Variants in NYNRIN observed in about 807,000 individuals in gnomAD.
NYNRIN encodes the protein NYN domain and retroviral integrase containing.
Under a neutral mutation model 146.6 loss-of-function variants are expected in NYNRIN, and 86 were observed. That is an observed-to-expected ratio of 0.59 (90% CI 0.49 to 0.70). The LOEUF is 0.70. Ranked by LOEUF, NYNRIN falls within the 30% of genes least tolerant of loss-of-function variation. The pLI is 0.00. For synonymous variants in NYNRIN, 1,027 were observed against 1,001.3 expected (o/e 1.03, Z -0.48); for missense variants, 2,191 against 2,377.7 (o/e 0.92, Z 1.63).
intron 2 of NYNRIN, 112 bp downstream of exon 2, chr14:24,399,556 A>G: frequency 1.0e-6 from 1 of 993,474 alleles, no homozygotes; most frequent in Non-Finnish European, 1.5e-6. Flanking sequence ...CCCCGCCTGG[A>G]TTTGGCAGTG....
At chr14:24,410,982 T>A in intron 4 of NYNRIN, 94 bp from the exon 5 acceptor site, 1 of 1,460,024 alleles carries the variant, frequency 6.8e-7, no homozygotes, top group Non-Finnish European at 9.4e-7. Context: ...ATCATTGGTG[T>A]CCTTGGTGCT....
Position 24,408,520 on chromosome 14 carries a change from C to G in NYNRIN, c.850C>G (p.Leu284Val), listed in dbSNP as rs773284886. 5.7e-6 allele frequency: 9 copies of G among 1,570,972 alleles called. No homozygotes were observed. The highest frequency in any genetic ancestry group is 2.4e-5 in the South Asian group (2 of 83,862). ...CACACCGCAGGAGGCAGCAAACCAG[C>G]TGGTACGGTAAGTTCTGGAGAATGA... ...QSTPQEAANQ[L>V]VRVGSNNQDG... The change falls in exon 3 of 9, where the codon CTG (leucine) becomes GTG (valine). Residue 284 changes from leucine to valine, a missense_variant. Leu to Val is a conservative substitution (Grantham distance 32). Coordinates refer to ENST00000382554, the MANE Select transcript of NYNRIN (RefSeq NM_025081.3).
rs770637725 is a variant in NYNRIN, at chr14:24,413,083, T to C, written c.2729T>C (p.Leu910Pro). 97 of 1,590,914 alleles carry C rather than the reference T, an allele frequency of 6.1e-5. No individual in the cohort carries two copies. Among genetic ancestry groups the C allele is most frequent in the Admixed American group, 2.6e-4 (15 of 56,616 alleles). The stretch of plus-strand genomic sequence containing the variant: ...ATCCTGATGAATAGTTCCAAGAAAC[T>C]GATGGTCAAAGATCGGTAAGATGGT... ...IHILMNSSKK[L>P]MVKDRLLPFT... is the part of the protein sequence containing the mutation. The change falls in exon 7 of 9, where the codon CTG becomes CCG. Residue 910 changes from leucine (L) to proline (P), a missense_variant. Physicochemically the swap from Leu to Pro is moderately conservative, Grantham distance 98. This residue lies in a region of NYNRIN where 1,291 missense variants were observed against 1,417.0 expected (regional missense o/e 0.91). Transcript: ENST00000382554.
Position 24,418,197 on chromosome 14 carries a change from C to T in NYNRIN, c.*751C>T, listed in dbSNP as rs191783227. ...CAATGGAGACAATTCCTGACCCCTG[C>T]TTTGATGGTGTTGACCCCACAGGAA... is the stretch of plus-strand genomic sequence containing the variant. On this transcript the variant is annotated 3_prime_UTR_variant, in exon 9 of 9. Coordinates refer to ENST00000382554, the MANE Select transcript of NYNRIN (RefSeq NM_025081.3). The T allele has an allele frequency of 4.6e-5, 21 of 452,188 alleles. No homozygotes were observed. Among genetic ancestry groups the T allele is most frequent in the Admixed American group, 4.6e-4 (19 of 41,712 alleles). The allele number at this position is 452,188 out of a possible 1,614,324, so 28.0% of individuals were successfully genotyped here. A position where few individuals can be genotyped will look rare whatever the true frequency, so the allele number is the denominator to read the frequency against.
Position 24,409,762 on chromosome 14 carries a change from A to G in NYNRIN, c.1968A>G (p.Ala656=), listed in dbSNP as rs1594740369. ...QAGPAATVSK[A]PAASKAPAAP... ...GGCCTGCAGCTACAGTTTCCAAAGCACCTGCAGCTTCCAAAGCACCTGCAG... is the reference window on the plus strand; with the variant it reads ...GGCCTGCAGCTACAGTTTCCAAAGCGCCTGCAGCTTCCAAAGCACCTGCAG... The change falls in exon 4 of 9, where the codon GCA becomes GCG. Residue 656 remains alanine (A), a synonymous_variant. Coordinates refer to ENST00000382554, the MANE Select transcript of NYNRIN (RefSeq NM_025081.3). 1.9e-6 allele frequency: 3 copies of G among 1,611,156 alleles called. No homozygotes were observed. The Admixed American group carries it at 5.0e-5, about 27-fold the overall frequency.
chr14:24,403,686 G>A (rs887497500), intron 2 of NYNRIN, among the ~76,000 whole-genome samples: 2 of 152,218 alleles, frequency 1.3e-5, no homozygotes, highest in African/African-American at 2.4e-5. Flanking sequence ...TCGAATGGAT[G>A]AATAAATTCT....
rs1594740511 is a variant in NYNRIN, at chr14:24,409,963, G to A, written c.2169G>A (p.Gln723=). Reference sequence around the variant, plus strand: ...AGGGCCAGGGGCAGGCTGGAAGGCAGGGTCCCCAGTCCAGTGGCACCTTGG... The same window carrying A: ...AGGGCCAGGGGCAGGCTGGAAGGCAAGGTCCCCAGTCCAGTGGCACCTTGG... ...LLKGQGQAGR[Q]GPQSSGTLAL... Residue 723 remains glutamine, a synonymous_variant, in exon 4 of 9, where the codon CAG becomes CAA. Coordinates refer to ENST00000382554, the MANE Select transcript of NYNRIN (RefSeq NM_025081.3). 1 of 1,613,758 alleles carries A rather than the reference G, an allele frequency of 6.2e-7. No homozygotes were observed. The highest frequency in any genetic ancestry group is 2.2e-5 in the East Asian group (1 of 44,878).
In NYNRIN at chr14:24,414,693, C is replaced by T. The variant is rs181160538; in HGVS notation, c.2944C>T (p.Pro982Ser). 1 of 1,613,542 alleles carries T rather than the reference C, an allele frequency of 6.2e-7. No individual in the cohort carries two copies. Among genetic ancestry groups the T allele is most frequent in the Non-Finnish European group, 8.5e-7 (1 of 1,179,696 alleles). ...TELSDDADSG[P>S]LESLPNMEEV... ...GCTGAGTGATGACGCTGACTCTGGG[C>T]CCCTGGAGAGTCTGCCGAATATGGA... Residue 982 changes from proline (P) to serine (S), a missense_variant, in exon 9 of 9, where the codon CCC becomes TCC. By Grantham distance (74) the Pro-to-Ser change is moderately conservative. Around this residue, in one of 3 missense-constraint regions of NYNRIN, gnomAD observed 1,291 missense variants for 1,417.0 expected, o/e 0.91. Coordinates refer to ENST00000382554, the MANE Select transcript of NYNRIN (RefSeq NM_025081.3).
chr14:24,415,631 C>T lies in NYNRIN; in HGVS notation c.3882C>T (p.Phe1294=). 6.2e-7 allele frequency: 1 copy of T among 1,614,030 alleles called. No individual in the cohort carries two copies. The change falls in exon 9 of 9, where the codon TTC becomes TTT. Residue 1294 remains phenylalanine, a synonymous_variant. Transcript: ENST00000382554. ...CCCCCGCGGCCTCCATGCCTCGCTT[C>T]TTCCAGGTTCTGCCGCCTTTCTCTG... ...LLTPAASMPR[F]FQVLPPFSDL...
Position 24,408,034 on chromosome 14 carries a change from G to A in NYNRIN, c.364G>A (p.Gly122Arg), listed in dbSNP as rs1594739179. Residue 122 changes from glycine to arginine, a missense_variant, in exon 3 of 9, where the codon GGG (glycine) becomes AGG (arginine). Physicochemically the swap from Gly to Arg is moderately radical, Grantham distance 125. Around this residue, in one of 3 missense-constraint regions of NYNRIN, gnomAD observed 895 missense variants for 941.2 expected, o/e 0.95. Coordinates refer to ENST00000382554, the MANE Select transcript of NYNRIN (RefSeq NM_025081.3). ...CCCCCCTGGCTCCCTGATGGTGGGC[G>A]GGCTGACTGAGTCTTTCATCATGAC... Reference protein sequence around the residue: ...PGPPGSLMVGGLTESFIMTQN... With the variant: ...PGPPGSLMVGRLTESFIMTQN... The A allele has an allele frequency of 1.9e-6, 3 of 1,613,968 alleles. No individual in the cohort carries two copies. Among genetic ancestry groups the A allele is most frequent in the Non-Finnish European group, 2.5e-6 (3 of 1,179,884 alleles).
At position 24,409,561 on chromosome 14, in the gene NYNRIN, T is replaced by C; in HGVS notation, c.1767T>C (p.Pro589=). The stretch of plus-strand genomic sequence containing the variant: ...CAGAGCCTGCAGCTCCCGAAGTGCC[T>C]TTGGCTCCAACAAAGCCAACAGCTC... ...VHTEPAAPEV[P]LAPTKPTAQL... The change falls in exon 4 of 9, where the codon CCT becomes CCC. Residue 589 remains proline (P), a synonymous_variant. Coordinates refer to ENST00000382554, the MANE Select transcript of NYNRIN (RefSeq NM_025081.3). 6.2e-7 allele frequency: 1 copy of C among 1,611,386 alleles called. No individual in the cohort carries two copies. The highest frequency in any genetic ancestry group is 1.3e-5 in the African/African-American group (1 of 74,996).
Position 24,414,891 on chromosome 14 carries a change from C to T in NYNRIN, c.3142C>T (p.Pro1048Ser), listed in dbSNP as rs752141342. ...GCGGTGCCTCAGCCTCCATGATCCC[C>T]CTGATGGGGCCCTGGACATCGACCT... ...ILRCLSLHDP[P>S]DGALDIDLLP... The change falls in exon 9 of 9, where the codon CCT (proline) becomes TCT (serine). Residue 1048 changes from proline (P) to serine (S), a missense_variant. Pro to Ser is a moderately conservative substitution (Grantham distance 74, BLOSUM62 -1). Transcript: ENST00000382554. 2 of 1,608,608 alleles carry T rather than the reference C, an allele frequency of 1.2e-6. No homozygotes were observed. The highest frequency in any genetic ancestry group is 1.7e-6 in the Non-Finnish European group (2 of 1,175,886).
At chr14:24,401,004 G>T (rs1317664906) in intron 2 of NYNRIN, among the ~76,000 whole-genome samples, 1 of 152,130 alleles carries the variant, frequency 6.6e-6, no homozygotes, top group Admixed American at 6.5e-5. Flanking sequence ...GGCCAGGTTG[G>T]TCTTGAACTC....
At chr14:24,405,719 A>G (rs1385338098) in intron 2 of NYNRIN, among the ~76,000 whole-genome samples, 1 of 152,210 alleles carries the variant, frequency 6.6e-6, no homozygotes, top group Non-Finnish European at 1.5e-5. Flanking sequence ...GCTCATCTAA[A>G]ATGGGGATAA....
Position 24,413,117 on chromosome 14 carries a change from G to C in NYNRIN, c.2744+19G>C. On this transcript the variant is annotated intron_variant, in intron 7 of 8. Coordinates refer to ENST00000382554, the MANE Select transcript of NYNRIN (RefSeq NM_025081.3). ...AAGATCGGTAAGATGGTCCCCAGAG[G>C]CTTGAGCCATTCCTTCCCCTTGGAT... 1 of 1,535,088 alleles carries C rather than the reference G, an allele frequency of 6.5e-7. No homozygotes were observed. Among genetic ancestry groups the C allele is most frequent in the Non-Finnish European group, 8.9e-7 (1 of 1,125,952 alleles).
At chr14:24,401,290 C>G (rs1405551069) in intron 2 of NYNRIN, among the ~76,000 whole-genome samples, 1 of 152,228 alleles carries the variant, frequency 6.6e-6, no homozygotes, top group Admixed American at 6.5e-5. Context: ...CTCCACTCCC[C>G]CTTTGTCTTC....
Position 24,413,383 on chromosome 14 carries a change from C to G in NYNRIN, c.2812C>G (p.Pro938Ala), listed in dbSNP as rs1164097330. The G allele has an allele frequency of 6.2e-7, 1 of 1,613,018 alleles. No individual in the cohort carries two copies. The highest frequency in any genetic ancestry group is 8.5e-7 in the Non-Finnish European group (1 of 1,179,558). ...VPDDPLGRDGPTLDEFLKKPN... is the reference protein window; with the variant it reads ...VPDDPLGRDGATLDEFLKKPN... The stretch of plus-strand genomic sequence containing the variant: ...TGATGACCCCCTGGGCCGTGATGGC[C>G]CCACCTTGGATGAGTTTCTGAAGAA... Residue 938 changes from proline to alanine, a missense_variant, in exon 8 of 9, where the codon CCC becomes GCC. Around this residue, in one of 3 missense-constraint regions of NYNRIN, gnomAD observed 1,291 missense variants for 1,417.0 expected, o/e 0.91. Transcript: ENST00000382554.
In NYNRIN at chr14:24,408,280, G is replaced by A. The variant is rs771495789; in HGVS notation, c.610G>A (p.Glu204Lys). The change falls in exon 3 of 9, where the codon GAG becomes AAG. Residue 204 changes from glutamate to lysine, a missense_variant. Around this residue, in one of 3 missense-constraint regions of NYNRIN, gnomAD observed 895 missense variants for 941.2 expected, o/e 0.95. Coordinates refer to ENST00000382554, the MANE Select transcript of NYNRIN (RefSeq NM_025081.3). ...RDAAGKEDII[E>K]WLSRFGISDS... is the part of the protein sequence containing the mutation. ...TGCTGCGGGCAAGGAAGACATCATC[G>A]AGTGGCTCAGCCGCTTCGGCATCTC... 6.2e-7 allele frequency: 1 copy of A among 1,611,912 alleles called. No individual in the cohort carries two copies.
rs1174968787 is a variant in NYNRIN, at chr14:24,407,857, C to T, written c.199-12C>T. 6.3e-7 allele frequency: 1 copy of T among 1,588,006 alleles called. No homozygotes were observed. Among genetic ancestry groups the T allele is most frequent in the East Asian group, 2.2e-5 (1 of 44,518 alleles). ...CGGGCTGACTTCATTGTGTTCTCCC[C>T]ATTGTGCCCAGGAATACCTGAAGGG... is the stretch of plus-strand genomic sequence containing the variant. On this transcript the variant is annotated splice_polypyrimidine_tract_variant and intron_variant, in intron 2 of 8. Transcript: ENST00000382554.
Sources: gnomAD v4.1 joint callset for allele counts (sites outside exome capture counted in the v4.1 genomes callset) on GRCh38, gnomAD v4.1.1 for gene constraint, gnomAD v4.1.1 regional missense constraint, MANE v1.5 for transcripts, NCBI Gene and HGNC (gene_info 2026-07-23, HGNC 2026-07-21) for gene names.